Variants in LMO7 observed in about 807,000 individuals in gnomAD.
LMO7 encodes LIM domain 7, also known as LIM domain only protein 7.
A neutral mutation model predicts 206.5 loss-of-function variants in LMO7; 120 were observed. The ratio of observed to expected loss-of-function variants is 0.58; its 90% CI spans 0.50 to 0.68. LMO7 has a LOEUF of 0.68. LMO7 is among the 30% of genes least tolerant of loss of function. The pLI is 0.00. For synonymous variants in LMO7, 706 were observed against 681.5 expected (o/e 1.04, Z -0.56); for missense variants, 1,959 against 1,957.9 (o/e 1.00, Z -0.01).
At chr13:75,653,741 A>G (rs1376762806) in intron 1 of LMO7, among the ~76,000 whole-genome samples, 1 of 152,254 alleles carries the variant, frequency 6.6e-6, no homozygotes, top group African/African-American at 2.4e-5. Context: ...TTACAGGTCT[A>G]TAATGACAGA....
rs113660514 is a variant in LMO7, at chr13:75,813,424, G to A, written c.1947-3737G>A. ...TTCCTCACTTAGCAGGTGAGAAATG[G>A]GGGCTCGGAAGTGATCTGATGTGTG... On this transcript the variant is annotated intron_variant, in intron 11 of 30. Coordinates refer to ENST00000377534, the MANE Select transcript of LMO7 (RefSeq NM_001306080.2). Among the ~76,000 whole-genome samples, 113 of 152,290 alleles carry A rather than the reference G, an allele frequency of 7.4e-4. 2 individuals carry two copies. The highest frequency in any genetic ancestry group is 2.6e-3 in the African/African-American group (106 of 41,560).
At chr13:75,665,866 G>T (rs2039033011) in intron 1 of LMO7, among the ~76,000 whole-genome samples, 1 of 152,188 alleles carries the variant, frequency 6.6e-6, no homozygotes, top group South Asian at 2.1e-4. Flanking sequence ...GATGTTCAAT[G>T]TTGGGGGCCA....
upstream of LMO7, among the ~76,000 whole-genome samples, chr13:75,634,722 G>T (rs576901541): frequency 6.0e-5 from 9 of 149,084 alleles, no homozygotes; most frequent in African/African-American, 1.2e-4. Context: ...CAGCCTGGGC[G>T]ACAGAGCGAG....
chr13:75,635,861 G>C (rs1266555904), upstream of LMO7: 2 of 152,566 alleles, frequency 1.3e-5, no homozygotes, highest in Non-Finnish European at 2.9e-5. Context: ...GCGGGAGAGC[G>C]GGTAGCGGGC....
At chr13:75,693,484 A>T (rs1731321917) in intron 1 of LMO7, among the ~76,000 whole-genome samples, 1 of 152,076 alleles carries the variant, frequency 6.6e-6, no homozygotes, top group Admixed American at 6.5e-5. Context: ...TAATTATTTC[A>T]TGTGGCACTG....
chr13:75,633,841 C>CTTTTTTTTTTTT (rs60769000), upstream of LMO7, among the ~76,000 whole-genome samples: 1 of 64,672 alleles, frequency 1.5e-5, no homozygotes. Context: ...GTGTCTTTTC[C>CTTTTTTTTTTTT]TTTTTTTTTT....
At chr13:75,820,541 T>C (rs1317624823) in intron 13 of LMO7, among the ~76,000 whole-genome samples, 1 of 152,262 alleles carries the variant, frequency 6.6e-6, no homozygotes, top group African/African-American at 2.4e-5. Context: ...TTAAAAGTTA[T>C]AAGCTTGTGG....
intron 15 of LMO7, among the ~76,000 whole-genome samples, chr13:75,832,469 A>G (rs918160363): frequency 1.2e-4 from 18 of 152,174 alleles, no homozygotes; most frequent in Admixed American, 5.2e-4. Flanking sequence ...TGCAGCATGT[A>G]GAGCAGCTAT....
chr13:75,639,957 G>A (rs1327506598), intron 1 of LMO7, among the ~76,000 whole-genome samples: 1 of 152,102 alleles, frequency 6.6e-6, no homozygotes, highest in Non-Finnish European at 1.5e-5. Flanking sequence ...TAGAATATGA[G>A]TCCTTCCTCA....
At chr13:75,774,959 AT>A (rs2050186550) in intron 4 of LMO7, among the ~76,000 whole-genome samples, 1 of 152,150 alleles carries the variant, frequency 6.6e-6, no homozygotes, top group Admixed American at 6.5e-5. Context: ...ATAAAAAATA[AT>A]GCGAGGTGAT....
chr13:75,770,476 T>G (rs1252510756), intron 4 of LMO7, among the ~76,000 whole-genome samples: 1 of 152,074 alleles, frequency 6.6e-6, no homozygotes, highest in African/African-American at 2.4e-5. Flanking sequence ...TCCCAAATCT[T>G]GTGTGTACAT....
In LMO7 at chr13:75,638,832, CT is replaced by C. The variant is rs78123289; in HGVS notation, c.69+2109del. Among the ~76,000 whole-genome samples the C allele has an allele frequency of 1.5e-4, 23 of 152,196 alleles. No homozygotes were observed. The East Asian group carries it at 4.4e-3, about 29-fold the overall frequency. The stretch of plus-strand genomic sequence containing the variant: ...AATGACTCTGTCATCATCACAACCT[CT>C]TTAAGAACCCCTAATCTGAAGATAA... On this transcript the variant is annotated intron_variant, in intron 1 of 30. Transcript: ENST00000377534.
At chr13:75,841,538 G>A (rs1482721005) in intron 23 of LMO7, 90 bp from the exon 24 acceptor site, 4 of 924,054 alleles carry the variant, frequency 4.3e-6, no homozygotes, top group African/African-American at 3.3e-5. Flanking sequence ...ACTATAGTTA[G>A]TAGCATCTAA....
intron 1 of LMO7, among the ~76,000 whole-genome samples, chr13:75,680,161 T>C (rs1158756887): frequency 6.6e-6 from 1 of 152,230 alleles, no homozygotes; most frequent in Non-Finnish European, 1.5e-5. Context: ...CAGTTTTCTA[T>C]TCCTGTGTTA....
At chr13:75,769,431 C>T (rs558180627) in intron 4 of LMO7, among the ~76,000 whole-genome samples, 1 of 151,962 alleles carries the variant, frequency 6.6e-6, no homozygotes, top group East Asian at 1.9e-4. Flanking sequence ...CAAATATGCA[C>T]AGTAAACCTA....
intron 11 of LMO7, among the ~76,000 whole-genome samples, chr13:75,812,996 G>A (rs1179172425): frequency 6.6e-6 from 1 of 152,214 alleles, no homozygotes; most frequent in Non-Finnish European, 1.5e-5. Flanking sequence ...CGACAGATAG[G>A]GATGTGGAGA....
intron 2 of LMO7, 87 bp from the exon 3 acceptor site, chr13:75,726,942 A>G: frequency 1.3e-6 from 1 of 741,234 alleles, no homozygotes; most frequent in Non-Finnish European, 2.4e-6. Flanking sequence ...AGGGGAGGGA[A>G]TAGTGATATA....
intron 1 of LMO7, among the ~76,000 whole-genome samples, chr13:75,677,676 T>A (rs2040127237): frequency 6.6e-6 from 1 of 151,060 alleles, no homozygotes; most frequent in African/African-American, 2.4e-5. Context: ...AGTTCTAGGG[T>A]ACATGTGCAC....
At chr13:75,750,342 T>A (rs1183108439) in intron 3 of LMO7, among the ~76,000 whole-genome samples, 7 of 151,384 alleles carry the variant, frequency 4.6e-5, no homozygotes, top group Admixed American at 3.9e-4. Flanking sequence ...GCCAAAAAAC[T>A]TTTGTCCACA....
Sources: gnomAD v4.1 joint callset for allele counts (sites outside exome capture counted in the v4.1 genomes callset) on GRCh38, gnomAD v4.1.1 for gene constraint, MANE v1.5 for transcripts, NCBI Gene and HGNC (gene_info 2026-07-23, HGNC 2026-07-21) for gene names.